SLX9: variants seen among roughly 807,000 people sequenced by gnomAD.
SLX9 encodes SLX9 ribosome biogenesis factor.
In SLX9, 19 loss-of-function variants were observed where a neutral mutation model predicts 20.8. The ratio of observed to expected loss-of-function variants is 0.91; its 90% CI spans 0.64 to 1.34. The LOEUF (loss-of-function observed/expected upper bound fraction) is 1.34, where lower values mean the gene tolerates loss of function less well. Ranked by LOEUF, SLX9 falls within the 40% of genes most tolerant of loss-of-function variation. SLX9 has a pLI of 0.00. For missense variants in SLX9, 299 were observed against 322.2 expected (o/e 0.93, Z 0.55); for synonymous variants, 113 against 137.1 (o/e 0.82, Z 1.23).
chr21:44,960,024 C>T, intron 2 of SLX9, 76 bp from the exon 3 acceptor site: 1 of 1,342,294 alleles, frequency 7.4e-7, no homozygotes, highest in Admixed American at 1.7e-5. Flanking sequence ...CAGTCAGGAC[C>T]CGCCCCAGCC....
chr21:44,955,977 G>A (rs1050009590), intron 2 of SLX9, among the ~76,000 whole-genome samples: 15 of 152,248 alleles, frequency 9.9e-5, no homozygotes, highest in Admixed American at 7.2e-4. Flanking sequence ...CTGTACCTTT[G>A]GAGGATATGG....
At chr21:44,976,638 C>A in intron 5 of SLX9, 42 bp from the exon 6 acceptor site, 1 of 1,560,970 alleles carries the variant, frequency 6.4e-7, no homozygotes, top group East Asian at 2.4e-5. Context: ...CTGAGGGGTC[C>A]GGGGGTTCCT....
intron 3 of SLX9, 81 bp downstream of exon 3, chr21:44,960,249 C>G (rs2084929927): frequency 7.5e-7 from 1 of 1,340,182 alleles, no homozygotes; most frequent in African/African-American, 1.4e-5. Context: ...AGCCTCACAT[C>G]TGGCCTTCTA....
At chr21:44,957,976 G>A (rs767460493) in intron 2 of SLX9, among the ~76,000 whole-genome samples, 6 of 152,360 alleles carry the variant, frequency 3.9e-5, no homozygotes, top group African/African-American at 9.6e-5. Flanking sequence ...GCGGGAAGCC[G>A]AGGTCGCAGC....
At chr21:44,959,750 C>T (rs984287936) in intron 2 of SLX9, among the ~76,000 whole-genome samples, 2 of 152,358 alleles carry the variant, frequency 1.3e-5, no homozygotes, top group East Asian at 1.9e-4. Flanking sequence ...CATGAGCCGT[C>T]GGGCATTCCT....
chr21:44,948,128 C>G (rs1218738092), intron 2 of SLX9, among the ~76,000 whole-genome samples: 1 of 152,258 alleles, frequency 6.6e-6, no homozygotes, highest in African/African-American at 2.4e-5. Context: ...CGGCTCCAAT[C>G]CTTGGCATCG....
chr21:44,972,962 C>T, intron 4 of SLX9: 1 of 596,498 alleles, frequency 1.7e-6, no homozygotes, highest in South Asian at 2.0e-5. Context: ...ACAGGACGGT[C>T]AGGCAGTTGC....
intron 2 of SLX9, among the ~76,000 whole-genome samples, chr21:44,951,285 A>G (rs2084752033): frequency 1.3e-5 from 2 of 152,212 alleles, no homozygotes; most frequent in South Asian, 4.1e-4. Flanking sequence ...CCAAGGGACC[A>G]ACATCTTGCA....
intron 4 of SLX9, among the ~76,000 whole-genome samples, chr21:44,971,112 G>A (rs903100041): frequency 6.6e-6 from 1 of 151,906 alleles, no homozygotes; most frequent in Non-Finnish European, 1.5e-5. Flanking sequence ...GCAGTTGTCG[G>A]GAGGGGACCC....
At position 44,964,076 on chromosome 21, in the gene SLX9, CAAT is replaced by C. The variant is rs565130080; in HGVS notation, c.353-2957_353-2955del. On this transcript the variant is annotated intron_variant, in intron 3 of 5. Coordinates refer to ENST00000291634, the MANE Select transcript of SLX9 (RefSeq NM_058190.4). ...TATCTCACCATTTAAATTTCATCAT[CAAT>C]GTTATTCAGTTTTAGTGTAGAGATC... is the stretch of plus-strand genomic sequence containing the variant. 2.5e-4 allele frequency among the ~76,000 whole-genome samples: 38 copies of C among 152,280 alleles called. 1 individual carries two copies. In the South Asian group the frequency reaches 7.5e-3, roughly 30 times the overall value.
In SLX9 at chr21:44,940,049, GC is replaced by G; in HGVS notation, c.-7del. 1 of 1,448,830 alleles carries G rather than the reference GC, an allele frequency of 6.9e-7. No individual in the cohort carries two copies. Among genetic ancestry groups the G allele is most frequent in the Non-Finnish European group, 9.1e-7 (1 of 1,100,850 alleles). The allele number at this position is 1,448,830 out of a possible 1,614,324, so 89.7% of individuals were successfully genotyped here. On this transcript the variant is annotated 5_prime_UTR_variant, in exon 1 of 6. Coordinates refer to ENST00000291634, the MANE Select transcript of SLX9 (RefSeq NM_058190.4). ...GCGCTCCGCACGTTTGCCGTGCTCC[GC>G]CGGGAAGATGGGGAAAGTGAGGGGG...
chr21:44,975,926 G>A (rs1041627151), intron 5 of SLX9, among the ~76,000 whole-genome samples: 1 of 152,272 alleles, frequency 6.6e-6, no homozygotes, highest in African/African-American at 2.4e-5. Flanking sequence ...GGAAACCAGG[G>A]CCAGTGTGGT....
At chr21:44,943,605 C>G (rs2084588244) in intron 1 of SLX9, 79 bp from the exon 2 acceptor site, 1 of 1,564,030 alleles carries the variant, frequency 6.4e-7, no homozygotes, top group South Asian at 1.2e-5. Flanking sequence ...GCATCTTCTC[C>G]TCACCTTTAA....
At position 44,947,835 on chromosome 21, in the gene SLX9, C is replaced by A. The variant is rs373902479; in HGVS notation, c.283+3998C>A. Among the ~76,000 whole-genome samples, 174 of 152,344 alleles carry A rather than the reference C, an allele frequency of 1.1e-3. 2 individuals are homozygous for A. Among genetic ancestry groups the A allele is most frequent in the South Asian group, 8.5e-3 (41 of 4,828 alleles). On this transcript the variant is annotated intron_variant, in intron 2 of 5. Coordinates refer to ENST00000291634, the MANE Select transcript of SLX9 (RefSeq NM_058190.4). ...CCCCAGCTCTCTAAGACCCCCTGCA[C>A]CTCCCCAGCAGGACTCAGCTTTGCC...
At chr21:44,948,192 G>A (rs2084680706) in intron 2 of SLX9, among the ~76,000 whole-genome samples, 1 of 151,834 alleles carries the variant, frequency 6.6e-6, no homozygotes, top group African/African-American at 2.4e-5. Context: ...CCGGGGAGGT[G>A]GTCGTGGAGC....
At chr21:44,953,501 G>A (rs994318585) in intron 2 of SLX9, among the ~76,000 whole-genome samples, 2 of 152,018 alleles carry the variant, frequency 1.3e-5, no homozygotes, top group African/African-American at 4.8e-5. Context: ...CATCCCCGGC[G>A]GTGGGGCCCT....
intron 2 of SLX9, among the ~76,000 whole-genome samples, chr21:44,947,648 G>A (rs1052596182): frequency 1.3e-4 from 20 of 150,800 alleles, no homozygotes; most frequent in Admixed American, 6.0e-4. Flanking sequence ...ATCCCAGCTC[G>A]CCAGGAAGCC....
At chr21:44,976,410 A>T (rs1353807233) in intron 5 of SLX9, among the ~76,000 whole-genome samples, 2 of 152,294 alleles carry the variant, frequency 1.3e-5, no homozygotes, top group Non-Finnish European at 2.9e-5. Context: ...CCTTGGCGGC[A>T]GCCCCATCAG....
At chr21:44,958,214 A>G (rs1453621365) in intron 2 of SLX9, 1 of 152,290 alleles carries the variant, frequency 6.6e-6, no homozygotes, top group East Asian at 1.9e-4. Flanking sequence ...TCCCCTCCCC[A>G]TAGCCACTGG....
Sources: allele counts gnomAD v4.1 joint callset (sites outside exome capture counted in the v4.1 genomes callset), GRCh38; gene constraint gnomAD v4.1.1; transcripts MANE v1.5; gene names NCBI Gene and HGNC (gene_info 2026-07-23, HGNC 2026-07-21).